The following LARP1B variants were observed in gnomAD, a reference collection of about 807,000 sequenced individuals.
The protein encoded by LARP1B is la-related protein 1B.
In LARP1B, 76 loss-of-function variants were observed where a neutral mutation model predicts 114.2. The ratio of observed to expected loss-of-function variants is 0.67; its 90% CI spans 0.55 to 0.81. The LOEUF is 0.81. Among genes scored for constraint, LARP1B ranks in the 30% least tolerant of loss-of-function variants. The pLI is 0.00. For missense variants in LARP1B, 1,014 were observed against 1,075.8 expected (o/e 0.94, Z 0.80); for synonymous variants, 345 against 348.0 (o/e 0.99, Z 0.10).
At chr4:128,144,862 A>G (rs1729635126) in intron 11 of LARP1B, among the ~76,000 whole-genome samples, 1 of 152,024 alleles carries the variant, frequency 6.6e-6, no homozygotes, top group African/African-American at 2.4e-5. Context: ...CTTCATATAT[A>G]TTTATAATAG....
At chr4:128,092,166 G>T (rs1318761088) in intron 7 of LARP1B, among the ~76,000 whole-genome samples, 1 of 151,968 alleles carries the variant, frequency 6.6e-6, no homozygotes, top group African/African-American at 2.4e-5. Context: ...AGTAAAATTT[G>T]GCTTATTATT....
In LARP1B at chr4:128,210,105, A is replaced by G. The variant is rs1326990901; in HGVS notation, c.*52A>G. ...CAAGAAATGGTGAAATGCCTGAGAA[A>G]TAGACTCTTATGAAAGTTCTTTGTC... On this transcript the variant is annotated 3_prime_UTR_variant, in exon 20 of 20. Coordinates refer to ENST00000326639, the MANE Select transcript of LARP1B (RefSeq NM_018078.4). 1.2e-6 allele frequency: 2 copies of G among 1,610,870 alleles called. No individual in the cohort carries two copies. The highest frequency in any genetic ancestry group is 2.2e-5 in the East Asian group (1 of 44,826).
At chr4:128,178,292 T>A (rs1486792819) in intron 13 of LARP1B, 139 bp from the exon 14 acceptor site, 1 of 612,716 alleles carries the variant, frequency 1.6e-6, no homozygotes, top group Admixed American at 3.4e-5. Flanking sequence ...AAAAAGTATT[T>A]GTTATTTTTG....
At position 128,107,241 on chromosome 4, in the gene LARP1B, C is replaced by A; in HGVS notation, c.916C>A (p.Pro306Thr). The A allele has an allele frequency of 8.7e-6, 14 of 1,614,036 alleles. No individual in the cohort carries two copies. The highest frequency in any genetic ancestry group is 1.2e-5 in the Non-Finnish European group (14 of 1,179,904). The part of the protein sequence containing the change: ...PIPGPPPRSV[P>T]PTDFSQLIDC... ...TCCAGGCCCTCCTCCACGCAGTGTG[C>A]CACCAACAGACTTCTCTCAACTGAT... The change falls in exon 9 of 20, where the codon CCA becomes ACA. Residue 306 changes from proline (P) to threonine (T), a missense_variant. Pro to Thr is a conservative substitution (Grantham distance 38). Transcript: ENST00000326639.
chr4:128,110,134 C>G (rs1192708676), intron 9 of LARP1B, among the ~76,000 whole-genome samples: 2 of 152,122 alleles, frequency 1.3e-5, no homozygotes, highest in Non-Finnish European at 2.9e-5. Flanking sequence ...GAACTCCTGA[C>G]CTTGTGATCA....
chr4:128,132,246 T>A (rs1425896022), intron 11 of LARP1B, among the ~76,000 whole-genome samples: 1 of 152,060 alleles, frequency 6.6e-6, no homozygotes, highest in African/African-American at 2.4e-5. Context: ...TGTTTTTGAT[T>A]ATTATTATTG....
intron 11 of LARP1B, among the ~76,000 whole-genome samples, chr4:128,126,812 G>GT (rs869127581): frequency 4.3e-4 from 14 of 32,316 alleles, no homozygotes; most frequent in East Asian, 1.5e-3. Flanking sequence ...ATTTGTTTTT[G>GT]TTTTTTTTTT....
At chr4:128,080,203 G>C (rs1399818105) in intron 4 of LARP1B, among the ~76,000 whole-genome samples, 1 of 151,390 alleles carries the variant, frequency 6.6e-6, no homozygotes, top group Non-Finnish European at 1.5e-5. Flanking sequence ...GGGTGGTCTC[G>C]AGCTCCCAAC....
intron 9 of LARP1B, among the ~76,000 whole-genome samples, chr4:128,113,781 C>CTTTTTT (rs1156610852): frequency 7.9e-5 from 9 of 114,206 alleles, no homozygotes; most frequent in Admixed American, 1.9e-4. Flanking sequence ...GACATTTACT[C>CTTTTTT]TTTTTTTTTT....
chr4:128,125,039 A>G (rs1005588673), intron 11 of LARP1B, among the ~76,000 whole-genome samples: 4 of 152,178 alleles, frequency 2.6e-5, no homozygotes, highest in African/African-American at 9.6e-5. Context: ...TGTTTTTGGC[A>G]TATATTTACT....
intron 11 of LARP1B, among the ~76,000 whole-genome samples, chr4:128,160,868 T>C (rs1392948651): frequency 1.3e-5 from 2 of 152,188 alleles, no homozygotes; most frequent in African/African-American, 2.4e-5. Flanking sequence ...TAATAAATGG[T>C]TTGAGCTGAC....
intron 2 of LARP1B, 57 bp from the exon 3 acceptor site, chr4:128,074,877 C>T (rs1444669676): frequency 6.7e-6 from 8 of 1,196,872 alleles, no homozygotes; most frequent in African/African-American, 1.5e-5. Flanking sequence ...ATGTTTTTTT[C>T]CTGCTTAAAA....
intron 7 of LARP1B, 129 bp downstream of exon 7, chr4:128,091,641 G>C: frequency 1.5e-6 from 1 of 654,066 alleles, no homozygotes; most frequent in South Asian, 2.4e-5. Context: ...CTGTTGCCCA[G>C]GCTGGAGTGT....
At chr4:128,079,674 C>G (rs1021118024) in intron 4 of LARP1B, among the ~76,000 whole-genome samples, 3 of 152,114 alleles carry the variant, frequency 2.0e-5, no homozygotes, top group African/African-American at 7.2e-5. Flanking sequence ...AGTGATCCTC[C>G]CACCTCAGCC....
intron 11 of LARP1B, among the ~76,000 whole-genome samples, chr4:128,151,893 C>T (rs1002796747): frequency 4.6e-5 from 7 of 151,946 alleles, no homozygotes; most frequent in East Asian, 1.9e-4. Flanking sequence ...TGTGAGCCAC[C>T]GCGCCCAGCC....
At chr4:128,184,215 A>AAC (rs1283910513) in intron 15 of LARP1B, among the ~76,000 whole-genome samples, 1 of 152,216 alleles carries the variant, frequency 6.6e-6, no homozygotes, top group Non-Finnish European at 1.5e-5. Context: ...CATCCATGCT[A>AAC]CAGAGAAAAC....
chr4:128,213,356 C>CTT (rs1035908118), downstream of LARP1B, among the ~76,000 whole-genome samples: 1 of 152,156 alleles, frequency 6.6e-6, no homozygotes, highest in Admixed American at 6.5e-5. Flanking sequence ...TTGTAGATTG[C>CTT]TTGAAAATAC....
intron 12 of LARP1B, among the ~76,000 whole-genome samples, chr4:128,166,079 G>C (rs1740689350): frequency 6.6e-6 from 1 of 151,970 alleles, no homozygotes; most frequent in South Asian, 2.1e-4. Context: ...GTGGTTAACA[G>C]TACCACTTGT....
intron 18 of LARP1B, 37 bp from the exon 19 acceptor site, chr4:128,207,219 C>A: frequency 1.0e-6 from 1 of 996,174 alleles, no homozygotes; most frequent in South Asian, 3.5e-5. Context: ...TTTAAAATTT[C>A]ATATAATTCA....
Sources: gnomAD v4.1 joint callset for allele counts (sites outside exome capture counted in the v4.1 genomes callset) on GRCh38, gnomAD v4.1.1 for gene constraint, MANE v1.5 for transcripts, NCBI Gene and HGNC (gene_info 2026-07-23, HGNC 2026-07-21) for gene names.